The following C12orf42 variants were observed in gnomAD, a reference collection of about 807,000 sequenced individuals.
The protein encoded by C12orf42 is uncharacterized protein C12orf42.
In C12orf42, 25 loss-of-function variants were observed where a neutral mutation model predicts 21.6. That is an observed-to-expected ratio of 1.16 (90% CI 0.84 to 1.62). C12orf42 has a LOEUF of 1.62. C12orf42 is among the 40% of genes most tolerant of loss of function. C12orf42 has a pLI of 0.00. For missense variants in C12orf42, 483 were observed against 459.3 expected (o/e 1.05, Z -0.47); for synonymous variants, 174 against 175.0 (o/e 0.99, Z 0.05).
At chr12:103,071,387 C>T in the C12orf42 span, among the ~76,000 whole-genome samples, 2 of 152,246 alleles carry the variant, frequency 1.3e-5, no homozygotes, top group Non-Finnish European at 2.9e-5. Flanking sequence ...CAACACCCAC[C>T]TTCCAAAGTG....
the C12orf42 span, among the ~76,000 whole-genome samples, chr12:103,507,447 A>T: frequency 6.9e-6 from 1 of 144,004 alleles, no homozygotes; most frequent in African/African-American, 2.6e-5. Context: ...AGGCAGGAGG[A>T]TGGCTTGAGG....
At chr12:103,357,438 G>C (rs2043691678) in intron 4 of C12orf42, among the ~76,000 whole-genome samples, 1 of 151,924 alleles carries the variant, frequency 6.6e-6, no homozygotes. Flanking sequence ...GTTATTTTAA[G>C]TAAATCCATA....
intron 3 of C12orf42, among the ~76,000 whole-genome samples, chr12:103,375,782 G>A (rs2045641503): frequency 6.6e-6 from 1 of 152,142 alleles, no homozygotes; most frequent in Non-Finnish European, 1.5e-5. Flanking sequence ...CACAAATTAT[G>A]TAGCTTGCCC....
chr12:103,206,425 G>A, the C12orf42 span, among the ~76,000 whole-genome samples: 1 of 152,068 alleles, frequency 6.6e-6, no homozygotes, highest in Non-Finnish European at 1.5e-5. Context: ...GACACTTTGG[G>A]GCTCCTGGAA....
chr12:103,147,326 G>T, the C12orf42 span, among the ~76,000 whole-genome samples: 1 of 151,924 alleles, frequency 6.6e-6, no homozygotes, highest in Non-Finnish European at 1.5e-5. Flanking sequence ...TAATTCAGTT[G>T]CCTAGTAAGA....
chr12:103,494,245 G>A (rs1466232913), intron 1 of C12orf42, among the ~76,000 whole-genome samples: 5 of 152,202 alleles, frequency 3.3e-5, no homozygotes, highest in African/African-American at 7.2e-5. Context: ...CCCATCAGAA[G>A]GGAGTTTATT....
intron 10 of C12orf42, among the ~76,000 whole-genome samples, chr12:103,240,730 G>A (rs775509661): frequency 1.3e-5 from 2 of 152,068 alleles, no homozygotes; most frequent in African/African-American, 4.8e-5. Flanking sequence ...TGCATGATAC[G>A]CAGAATTGGA....
chr12:103,374,880 T>G (rs1041999581), intron 3 of C12orf42, among the ~76,000 whole-genome samples: 1 of 152,190 alleles, frequency 6.6e-6, no homozygotes, highest in African/African-American at 2.4e-5. Context: ...TAAAGATGAT[T>G]CTGATAAGGA....
the C12orf42 span, among the ~76,000 whole-genome samples, chr12:103,080,523 A>C: frequency 6.6e-6 from 1 of 152,200 alleles, no homozygotes. Context: ...GACACCTAAA[A>C]AAAAGCTACT....
At chr12:103,435,709 T>G (rs533401874) in intron 2 of C12orf42, among the ~76,000 whole-genome samples, 2 of 151,148 alleles carry the variant, frequency 1.3e-5, no homozygotes, top group South Asian at 4.2e-4. Flanking sequence ...GAAAAAAGAA[T>G]AAAAAGAAAT....
At chr12:103,524,378 A>G in the C12orf42 span, among the ~76,000 whole-genome samples, 2 of 152,170 alleles carry the variant, frequency 1.3e-5, no homozygotes, top group African/African-American at 4.8e-5. Flanking sequence ...GCCTTGAGGC[A>G]CACAGAGGTG....
At chr12:103,115,557 C>T in the C12orf42 span, among the ~76,000 whole-genome samples, 1 of 152,182 alleles carries the variant, frequency 6.6e-6, no homozygotes, top group Non-Finnish European at 1.5e-5. Flanking sequence ...CCTTAGTACT[C>T]ATCCATAAAA....
At chr12:103,398,295 T>G (rs2047700241) in intron 3 of C12orf42, among the ~76,000 whole-genome samples, 1 of 152,220 alleles carries the variant, frequency 6.6e-6, no homozygotes, top group Non-Finnish European at 1.5e-5. Flanking sequence ...ATTTATACTT[T>G]TATTGGATAT....
At chr12:103,439,778 G>T (rs1171810460) in intron 2 of C12orf42, among the ~76,000 whole-genome samples, 2 of 151,560 alleles carry the variant, frequency 1.3e-5, no homozygotes, top group African/African-American at 4.8e-5. Context: ...GAGAGGATGT[G>T]GAGAAATAGG....
At chr12:103,381,061 G>A (rs765227814) in intron 3 of C12orf42, among the ~76,000 whole-genome samples, 1 of 152,074 alleles carries the variant, frequency 6.6e-6, no homozygotes, top group Non-Finnish European at 1.5e-5. Flanking sequence ...GATATGTCTC[G>A]AGCTGCTTGT....
intron 2 of C12orf42, 39 bp downstream of exon 2, chr12:103,478,310 T>TA: frequency 1.1e-5 from 15 of 1,402,952 alleles, no homozygotes; most frequent in East Asian, 4.7e-5. Flanking sequence ...CCTATTAACC[T>TA]AAAAAAAGTA....
In C12orf42 at chr12:103,402,816, G is replaced by A. The variant is rs75729462; in HGVS notation, c.79-1141C>T. 1.0e-2 allele frequency among the ~76,000 whole-genome samples: 1,520 copies of A among 152,280 alleles called. 136 individuals are homozygous for A. In the East Asian group the frequency reaches 0.2, roughly 20 times the overall value. On this transcript the variant is annotated intron_variant, in intron 2 of 5. Coordinates refer to ENST00000548883, the MANE Select transcript of C12orf42 (RefSeq NM_198521.5). ...TACCATGACTGAAGGATGTTGACAC[G>A]AGAAGTAGAAGGGGACCCAAGGTGG...
chr12:103,436,253 G>A (rs1339869364), intron 2 of C12orf42, among the ~76,000 whole-genome samples: 25 of 150,956 alleles, frequency 1.7e-4, no homozygotes, highest in Admixed American at 4.6e-4. Flanking sequence ...TGAAGGAAGC[G>A]CTAAACATGG....
At chr12:103,503,171 T>A in the C12orf42 span, among the ~76,000 whole-genome samples, 1 of 152,296 alleles carries the variant, frequency 6.6e-6, no homozygotes, top group Non-Finnish European at 1.5e-5. Context: ...ACAGACATAG[T>A]TTTTTAAGCC....
Sources: gnomAD v4.1 joint callset for allele counts (sites outside exome capture counted in the v4.1 genomes callset) on GRCh38, gnomAD v4.1.1 for gene constraint, MANE v1.5 for transcripts, NCBI Gene and HGNC (gene_info 2026-07-23, HGNC 2026-07-21) for gene names.